The following SLC38A12 variants were observed in gnomAD, a reference collection of about 807,000 sequenced individuals.
SLC38A12 encodes solute carrier family 38 member 12.
At chr17:74,803,139 T>A in the SLC38A12 span, among the ~76,000 whole-genome samples, 22 of 152,334 alleles carry the variant, frequency 1.4e-4, no homozygotes, top group Admixed American at 1.1e-3. Context: ...TGCTTCAGAT[T>A]TCTCTTAAGT....
At chr17:74,791,102 C>A in the SLC38A12 span, 4 of 1,421,080 alleles carry the variant, frequency 2.8e-6, no homozygotes, top group South Asian at 4.7e-5. Flanking sequence ...CAGGCCTGCA[C>A]CCTTGTAATG....
chr17:74,828,716 T>C, the SLC38A12 span, among the ~76,000 whole-genome samples: 1 of 152,150 alleles, frequency 6.6e-6, no homozygotes, highest in Admixed American at 6.5e-5. Context: ...CCGGGGGTAC[T>C]CAGAGCCCAT....
chr17:74,830,618 T>A, the SLC38A12 span, among the ~76,000 whole-genome samples: 1 of 152,218 alleles, frequency 6.6e-6, no homozygotes, highest in Non-Finnish European at 1.5e-5. Flanking sequence ...AACAAGAACC[T>A]TGGCTTGTCC....
chr17:74,799,314 C>T, the SLC38A12 span, among the ~76,000 whole-genome samples: 1 of 152,246 alleles, frequency 6.6e-6, no homozygotes, highest in African/African-American at 2.4e-5. Context: ...GCCGGGAACG[C>T]AGATGGCAGA....
chr17:74,837,257 TG>T, the SLC38A12 span: 1 of 985,516 alleles, frequency 1.0e-6, no homozygotes, highest in African/African-American at 1.7e-5. Flanking sequence ...AGGGCCTGGC[TG>T]GCCCCATGAC....
chr17:74,782,096 AGTT>A, the SLC38A12 span, among the ~76,000 whole-genome samples: 1 of 152,024 alleles, frequency 6.6e-6, no homozygotes, highest in South Asian at 2.1e-4. Context: ...CTGTAACCGT[AGTT>A]GTTTTCTTCC....
chr17:74,779,179 A>G, the SLC38A12 span, among the ~76,000 whole-genome samples: 1 of 152,200 alleles, frequency 6.6e-6, no homozygotes, highest in Admixed American at 6.5e-5. Flanking sequence ...TAAGTTTTGT[A>G]AGGAAAACAC....
chr17:74,835,234 C>T, the SLC38A12 span, among the ~76,000 whole-genome samples: 1 of 152,228 alleles, frequency 6.6e-6, no homozygotes, highest in African/African-American at 2.4e-5. Flanking sequence ...CCTCCAGCCT[C>T]GGTGTCAGCA....
chr17:74,785,558 G>A, the SLC38A12 span: 4 of 1,614,162 alleles, frequency 2.5e-6, no homozygotes, highest in Non-Finnish European at 3.4e-6. Context: ...GCCACTGCCG[G>A]GTGGCTTGTC....
the SLC38A12 span, chr17:74,839,363 A>G: frequency 1.8e-5 from 9 of 501,734 alleles, no homozygotes; most frequent in East Asian, 3.7e-5. Context: ...CTGGAAAGCC[A>G]CTGCAGAGGG....
the SLC38A12 span, chr17:74,791,128 C>G: frequency 8.8e-7 from 1 of 1,134,032 alleles, no homozygotes; most frequent in Non-Finnish European, 1.3e-6. Flanking sequence ...TCCACCCTGA[C>G]AGCCAGACCA....
chr17:74,791,422 G>T, the SLC38A12 span, among the ~76,000 whole-genome samples: 1 of 151,922 alleles, frequency 6.6e-6, no homozygotes, highest in South Asian at 2.1e-4. Flanking sequence ...TCCAGTGAGG[G>T]TCAGGAACCC....
the SLC38A12 span, among the ~76,000 whole-genome samples, chr17:74,829,289 A>G: frequency 6.6e-6 from 1 of 152,090 alleles, no homozygotes. The surrounding 1 kb of genome is among the most constrained non-coding windows in gnomAD (Gnocchi z 4.1). Context: ...ATGTCCGGCT[A>G]ATTTTTGTAT....
At chr17:74,836,795 A>T in the SLC38A12 span, 1 of 1,464,230 alleles carries the variant, frequency 6.8e-7, no homozygotes, top group African/African-American at 1.4e-5. The surrounding 1 kb of genome is among the most constrained non-coding windows in gnomAD (Gnocchi z 4.2). Context: ...GGCAGGTGGG[A>T]CTGTGGCTCT....
the SLC38A12 span, among the ~76,000 whole-genome samples, chr17:74,829,993 G>T: frequency 6.6e-6 from 1 of 152,184 alleles, no homozygotes; most frequent in Non-Finnish European, 1.5e-5. This position sits in a 1 kb window ranked among gnomAD's most constrained non-coding sequence, Gnocchi z 4.1. Flanking sequence ...ATGCCCAAGG[G>T]TGTGTGTTCA....
chr17:74,818,931 G>T, the SLC38A12 span, among the ~76,000 whole-genome samples: 1 of 152,136 alleles, frequency 6.6e-6, no homozygotes, highest in Admixed American at 6.5e-5. Flanking sequence ...ATTTTCCTTT[G>T]CAAAGAAGGT....
chr17:74,824,837 C>T, the SLC38A12 span, among the ~76,000 whole-genome samples: 1 of 152,182 alleles, frequency 6.6e-6, no homozygotes, highest in Admixed American at 6.5e-5. Context: ...CCTCCCTCAG[C>T]AACTGCCCCA....
At chr17:74,807,445 G>A in the SLC38A12 span, among the ~76,000 whole-genome samples, 1 of 152,206 alleles carries the variant, frequency 6.6e-6, no homozygotes, top group South Asian at 2.1e-4. Context: ...CTGTGGCGGG[G>A]CTTTGGCACA....
chr17:74,837,778 C>T, the SLC38A12 span: 3 of 985,808 alleles, frequency 3.0e-6, no homozygotes, highest in Non-Finnish European at 2.4e-6. Flanking sequence ...GGGCTGGCCT[C>T]CTGGGAAACA....
Sources: allele counts gnomAD v4.1 joint callset (sites outside exome capture counted in the v4.1 genomes callset), GRCh38; gene constraint gnomAD v4.1.1; non-coding constraint Gnocchi (gnomAD v3.1); transcripts MANE v1.5; gene names NCBI Gene and HGNC (gene_info 2026-07-23, HGNC 2026-07-21).